The following ALG6 variants were observed in gnomAD, a reference collection of about 807,000 sequenced individuals.
ALG6 encodes the protein ALG6 alpha-1,3-glucosyltransferase, also known as dolichyl pyrophosphate Man9GlcNAc2 alpha-1,3-glucosyltransferase.
ALG6 carries 46 observed loss-of-function variants against 66.6 expected under a neutral mutation model. That is an observed-to-expected ratio of 0.69 (90% CI 0.55 to 0.88). The LOEUF (loss-of-function observed/expected upper bound fraction) is 0.88. Among genes scored for constraint, ALG6 ranks in the 40% least tolerant of loss-of-function variants. The probability of loss-of-function intolerance (pLI) is 0.00; values close to 1 mark genes in which losing one functional copy is unlikely to be tolerated. For synonymous variants in ALG6, 185 were observed against 203.7 expected, an observed-to-expected ratio of 0.91 and a Z score of 0.78; for missense variants, 505 against 586.8, an observed-to-expected ratio of 0.86 and a Z score of 1.44.
intron 7 of ALG6, 148 bp downstream of exon 7, chr1:63,407,274 C>T: frequency 1.6e-6 from 1 of 634,608 alleles, no homozygotes; most frequent in Admixed American, 2.7e-5. Context: ...AATCTCTTCA[C>T]TAAGCTTTTA....
intron 12 of ALG6, among the ~76,000 whole-genome samples, chr1:63,422,732 G>C (rs1408326689): frequency 6.6e-6 from 1 of 151,668 alleles, no homozygotes; most frequent in Non-Finnish European, 1.5e-5. Flanking sequence ...CAGGCGGGTG[G>C]ATCATCTGAG....
intron 2 of ALG6, among the ~76,000 whole-genome samples, chr1:63,385,663 A>AT (rs1370432096): frequency 1.3e-5 from 2 of 152,104 alleles, no homozygotes; most frequent in East Asian, 1.9e-4. Flanking sequence ...TTGTATGTTG[A>AT]TTTTTTATGC....
At chr1:63,426,035 C>T (rs186175556) in intron 12 of ALG6, among the ~76,000 whole-genome samples, 15 of 151,782 alleles carry the variant, frequency 9.9e-5, no homozygotes, top group East Asian at 5.8e-4. Flanking sequence ...AGAAGAGAGG[C>T]GTTATAGCAA....
chr1:63,425,059 C>CT, intron 12 of ALG6, among the ~76,000 whole-genome samples: 1 of 152,200 alleles, frequency 6.6e-6, no homozygotes, highest in African/African-American at 2.4e-5. Flanking sequence ...GGATTACAGG[C>CT]GTGAGCCACT....
chr1:63,391,017 G>A (rs1557584186), intron 2 of ALG6, among the ~76,000 whole-genome samples: 1 of 152,194 alleles, frequency 6.6e-6, no homozygotes, highest in Non-Finnish European at 1.5e-5. Context: ...GATAGCTGTT[G>A]AATTTGGTGT....
Position 63,438,436 on chromosome 1 carries a change from T to G in ALG6, c.*1416T>G, listed in dbSNP as rs1197213153. 3 of 152,204 alleles carry G rather than the reference T, an allele frequency of 2.0e-5. No homozygotes were observed. Among genetic ancestry groups the G allele is most frequent in the Admixed American group, 2.0e-4 (3 of 15,278 alleles). 9.4% of individuals were successfully genotyped at this position (152,204 alleles called of 1,614,324 possible). ...AAAATATTTTTTGTAATAGTACACT[T>G]GTGTTTAACATAGAATGTTGACTTA... On this transcript the variant is annotated 3_prime_UTR_variant, in exon 15 of 15. Coordinates refer to ENST00000263440, the MANE Select transcript of ALG6 (RefSeq NM_013339.4).
At chr1:63,369,603 TG>T (rs1647841486) in intron 1 of ALG6, among the ~76,000 whole-genome samples, 1 of 150,284 alleles carries the variant, frequency 6.7e-6, no homozygotes. Flanking sequence ...TACTCCAGCC[TG>T]GGCAACAAGA....
rs1647904789 is a variant in ALG6, at chr1:63,370,947, G to A, written c.-31G>A. 37 of 1,410,948 alleles carry A rather than the reference G, an allele frequency of 2.6e-5. No homozygotes were observed. Among genetic ancestry groups the A allele is most frequent in the Non-Finnish European group, 3.4e-5 (34 of 994,714 alleles). The allele number at this position is 1,410,948 out of a possible 1,614,324, so 87.4% of individuals were successfully genotyped here. On this transcript the variant is annotated 5_prime_UTR_variant, in exon 2 of 15. Transcript: ENST00000263440. ...AAAAGTACTCTGGCACTGGTGCTGT[G>A]TTTTCTTCCCCTCCCTAAATTTGAA...
At chr1:63,420,676 C>T (rs539883486) in intron 12 of ALG6, among the ~76,000 whole-genome samples, 5 of 151,810 alleles carry the variant, frequency 3.3e-5, no homozygotes, top group Admixed American at 6.6e-5. Flanking sequence ...CTGACTAACA[C>T]GGTGAAACCC....
chr1:63,385,609 T>G (rs1648480547), intron 2 of ALG6, among the ~76,000 whole-genome samples: 1 of 152,244 alleles, frequency 6.6e-6, no homozygotes, highest in South Asian at 2.1e-4. Context: ...TCAAATTTCT[T>G]TTTCAAATTG....
chr1:63,436,684 A>G, intron 14 of ALG6, 139 bp from the exon 15 acceptor site: 1 of 815,172 alleles, frequency 1.2e-6, no homozygotes, highest in East Asian at 2.6e-5. Flanking sequence ...ATAGGAAGTC[A>G]AAGTTGAGAT....
chr1:63,422,677 C>T (rs1344873253), intron 12 of ALG6, among the ~76,000 whole-genome samples: 1 of 151,348 alleles, frequency 6.6e-6, no homozygotes, highest in Non-Finnish European at 1.5e-5. Flanking sequence ...AAAAATGGGC[C>T]GGGCACAGTG....
intron 1 of ALG6, among the ~76,000 whole-genome samples, chr1:63,370,133 C>T (rs1172293327): frequency 6.7e-6 from 1 of 150,008 alleles, no homozygotes; most frequent in East Asian, 2.0e-4. Context: ...TTGCTTCTTA[C>T]TTTAAAACCC....
chr1:63,387,742 G>C (rs113284844), intron 2 of ALG6, among the ~76,000 whole-genome samples: 5,093 of 151,514 alleles, frequency 0.034, 120 homozygotes, highest in East Asian at 0.11. Flanking sequence ...AGGTTTTGCC[G>C]TGTTGGCCAG....
rs538323877 is a variant in ALG6, at chr1:63,408,293, G to A, written c.494+1167G>A. Among the ~76,000 whole-genome samples the A allele has an allele frequency of 2.6e-5, 4 of 152,234 alleles. No homozygotes were observed. In the South Asian group the frequency reaches 6.2e-4, roughly 24 times the overall value. ...TCTTTTGTGTTTGATGTTTTGGGCT[G>A]AACATTTTGTTTATGAGATGTATTC... On this transcript the variant is annotated intron_variant, in intron 7 of 14. Transcript: ENST00000263440.
chr1:63,400,149 G>T (rs1229266258), intron 3 of ALG6, among the ~76,000 whole-genome samples: 1 of 136,986 alleles, frequency 7.3e-6, no homozygotes, highest in Non-Finnish European at 1.5e-5. Flanking sequence ...AACCAAGATC[G>T]CAACATTGCA....
In ALG6 at chr1:63,373,658, ATTT is replaced by A. The variant is rs34012518; in HGVS notation, c.82+2617_82+2619del. 2.5e-3 allele frequency among the ~76,000 whole-genome samples: 331 copies of A among 131,264 alleles called. 2 individuals carry two copies. Among genetic ancestry groups the A allele is most frequent in the African/African-American group, 7.5e-3 (254 of 34,060 alleles). The allele number at this position is 131,264 out of a possible 152,430, so 86.1% of individuals were successfully genotyped here. On this transcript the variant is annotated intron_variant, in intron 2 of 14. Coordinates refer to ENST00000263440, the MANE Select transcript of ALG6 (RefSeq NM_013339.4). Reference sequence around the variant, plus strand: ...TATTTTTCAATTTAATTTAATTTACATTTTTTTTTTTTTTTTTTTTGAGACAGG... The same window carrying A: ...TATTTTTCAATTTAATTTAATTTACATTTTTTTTTTTTTTTTTGAGACAGG...
At chr1:63,434,997 G>A (rs1264616277) in intron 14 of ALG6, among the ~76,000 whole-genome samples, 1 of 152,178 alleles carries the variant, frequency 6.6e-6, no homozygotes, top group Non-Finnish European at 1.5e-5. Context: ...GATTTCAAAT[G>A]CTAATGAGAG....
intron 12 of ALG6, among the ~76,000 whole-genome samples, chr1:63,422,219 T>A (rs868446097): frequency 1.1e-5 from 1 of 87,736 alleles, no homozygotes; most frequent in Non-Finnish European, 2.0e-5. Flanking sequence ...AAATATATAT[T>A]TATATAAATA....
Sources: gnomAD v4.1 joint callset for allele counts (sites outside exome capture counted in the v4.1 genomes callset) on GRCh38, gnomAD v4.1.1 for gene constraint, MANE v1.5 for transcripts, NCBI Gene and HGNC (gene_info 2026-07-23, HGNC 2026-07-21) for gene names.